The following PLCB1 variants were observed in gnomAD, a reference collection of about 807,000 sequenced individuals.
The protein encoded by PLCB1 is 1-phosphatidylinositol 4,5-bisphosphate phosphodiesterase beta-1.
PLCB1 carries 46 observed loss-of-function variants against 161.8 expected under a neutral mutation model. The observed-to-expected ratio is 0.28, with a 90% CI of 0.22 to 0.36. PLCB1 has a LOEUF of 0.36. Ranked by LOEUF, PLCB1 falls within the 10% of genes least tolerant of loss-of-function variation. PLCB1 has a pLI of 1.00. For missense variants in PLCB1, 1,016 were observed against 1,472.5 expected, an observed-to-expected ratio of 0.69 and a Z score of 5.07; for synonymous variants, 517 against 503.7, an observed-to-expected ratio of 1.03 and a Z score of -0.35.
intron 31 of PLCB1, among the ~76,000 whole-genome samples, chr20:8,873,402 A>G (rs1439581020): frequency 6.6e-6 from 1 of 152,146 alleles, no homozygotes; most frequent in Admixed American, 6.5e-5. Flanking sequence ...TTAAAATACT[A>G]TAGTCCTTGC....
At chr20:8,513,884 T>C (rs1983996342) in intron 3 of PLCB1, among the ~76,000 whole-genome samples, 1 of 151,548 alleles carries the variant, frequency 6.6e-6, no homozygotes. Flanking sequence ...AAAAATTAGC[T>C]GGGCATGGTG....
intron 31 of PLCB1, among the ~76,000 whole-genome samples, chr20:8,827,607 A>T (rs994782748): frequency 2.6e-5 from 4 of 152,200 alleles, no homozygotes; most frequent in Non-Finnish European, 4.4e-5. Context: ...CAGTGTTCCC[A>T]TGTAGCTAGT....
At chr20:8,471,866 C>A (rs1415323166) in intron 3 of PLCB1, among the ~76,000 whole-genome samples, 1 of 152,118 alleles carries the variant, frequency 6.6e-6, no homozygotes, top group African/African-American at 2.4e-5. Context: ...AAGATCTTCT[C>A]ATTTCGGTAA....
intron 3 of PLCB1, among the ~76,000 whole-genome samples, chr20:8,619,955 C>G (rs1434425991): frequency 1.3e-5 from 2 of 151,918 alleles, no homozygotes; most frequent in Non-Finnish European, 2.9e-5. Flanking sequence ...TCAGTATGTT[C>G]CCCCCATATT....
chr20:8,639,283 C>T (rs78791219), intron 4 of PLCB1, among the ~76,000 whole-genome samples: 5,943 of 152,244 alleles, frequency 0.039, 341 homozygotes, highest in African/African-American at 0.13. Flanking sequence ...TATTTGGGAA[C>T]AGAGTGTTGT....
At chr20:8,246,419 A>G (rs769277034) in intron 2 of PLCB1, among the ~76,000 whole-genome samples, 1 of 151,960 alleles carries the variant, frequency 6.6e-6, no homozygotes. Flanking sequence ...GCTTATGCAC[A>G]TGTAGGGGTA....
chr20:8,437,117 C>T (rs1394034152), intron 3 of PLCB1, among the ~76,000 whole-genome samples: 1 of 152,052 alleles, frequency 6.6e-6, no homozygotes, highest in Non-Finnish European at 1.5e-5. Context: ...ATGATCTGTT[C>T]AGCCAGGCCT....
intron 31 of PLCB1, among the ~76,000 whole-genome samples, chr20:8,843,325 C>A (rs924326734): frequency 3.9e-5 from 6 of 152,034 alleles, no homozygotes; most frequent in African/African-American, 1.5e-4. Flanking sequence ...ATAATGGAAC[C>A]CCTGTAAAGT....
At chr20:8,332,159 G>C (rs1235548135) in intron 2 of PLCB1, among the ~76,000 whole-genome samples, 1 of 152,156 alleles carries the variant, frequency 6.6e-6, no homozygotes, top group Non-Finnish European at 1.5e-5. Flanking sequence ...GCTGCCCTTG[G>C]TATTTAAATG....
intron 3 of PLCB1, among the ~76,000 whole-genome samples, chr20:8,410,956 G>A (rs964522868): frequency 2.0e-5 from 3 of 152,202 alleles, no homozygotes; most frequent in Non-Finnish European, 2.9e-5. Flanking sequence ...GAAAGAGGCA[G>A]GGACCTGAAT....
chr20:8,550,729 C>T (rs6039191), intron 3 of PLCB1, among the ~76,000 whole-genome samples: 88,698 of 152,034 alleles, frequency 0.58, 26,575 homozygotes, highest in African/African-American at 0.67. Flanking sequence ...TGCTTTTAAG[C>T]TTTTTCTATG....
At chr20:8,667,946 G>A (rs547951104) in intron 9 of PLCB1, among the ~76,000 whole-genome samples, 55 of 152,236 alleles carry the variant, frequency 3.6e-4, no homozygotes, top group African/African-American at 1.1e-3. Flanking sequence ...TGTCAGCAGG[G>A]TCTAGGAGCA....
chr20:8,545,381 T>C (rs1422327886), intron 3 of PLCB1, among the ~76,000 whole-genome samples: 2 of 152,194 alleles, frequency 1.3e-5, no homozygotes, highest in Non-Finnish European at 2.9e-5. Flanking sequence ...CTTTCTAGGC[T>C]GGAAATGGAA....
chr20:8,561,994 A>G (rs1378736482), intron 3 of PLCB1, among the ~76,000 whole-genome samples: 2 of 152,042 alleles, frequency 1.3e-5, no homozygotes, highest in African/African-American at 4.8e-5. Flanking sequence ...AGTCTAGTTA[A>G]GCTTGCTATT....
chr20:8,457,571 T>G (rs1023542483), intron 3 of PLCB1, among the ~76,000 whole-genome samples: 2 of 152,314 alleles, frequency 1.3e-5, no homozygotes, highest in Middle Eastern at 3.4e-3. Flanking sequence ...AAAATCTTAT[T>G]TTAATCAGTC....
At chr20:8,646,037 T>C in intron 4 of PLCB1, 65 bp from the exon 5 acceptor site, 1 of 1,104,344 alleles carries the variant, frequency 9.1e-7, no homozygotes, top group Non-Finnish European at 1.4e-6. Context: ...GAAGCCAAGC[T>C]AAAAGCATGT....
intron 1 of PLCB1, among the ~76,000 whole-genome samples, chr20:8,134,898 C>G (rs1600188621): frequency 6.6e-6 from 1 of 151,730 alleles, no homozygotes. Context: ...AGACTGCACT[C>G]AGGAGTCAAG....
chr20:8,423,525 C>A (rs1197259129), intron 3 of PLCB1, among the ~76,000 whole-genome samples: 1 of 152,116 alleles, frequency 6.6e-6, no homozygotes, highest in African/African-American at 2.4e-5. Context: ...TTACCTAATG[C>A]TTGTAGCATG....
intron 7 of PLCB1, among the ~76,000 whole-genome samples, chr20:8,650,564 G>A (rs1989289864): frequency 6.6e-6 from 1 of 152,186 alleles, no homozygotes; most frequent in African/African-American, 2.4e-5. Context: ...CCTCAGTAAA[G>A]TTATTTTCTT....
Sources: gnomAD v4.1 joint callset for allele counts (sites outside exome capture counted in the v4.1 genomes callset) on GRCh38, gnomAD v4.1.1 for gene constraint, MANE v1.5 for transcripts, NCBI Gene and HGNC (gene_info 2026-07-23, HGNC 2026-07-21) for gene names.